Variants in UNC13A observed in about 807,000 individuals in gnomAD.
The protein encoded by UNC13A is unc-13 homolog A.
Under a neutral mutation model 219.7 loss-of-function variants are expected in UNC13A, and 61 were observed. That is an observed-to-expected ratio of 0.28 (90% CI 0.23 to 0.34). UNC13A has a LOEUF of 0.34. Ranked by LOEUF, UNC13A falls within the 10% of genes least tolerant of loss-of-function variation. The probability of loss-of-function intolerance (pLI) is 1.00; values close to 1 mark genes in which losing one functional copy is unlikely to be tolerated. For missense variants in UNC13A, 1,476 were observed against 2,270.3 expected (o/e 0.65, Z 7.11); for synonymous variants, 920 against 884.6 (o/e 1.04, Z -0.71).
In UNC13A at chr19:17,656,401, G is replaced by A; in HGVS notation, c.768-3C>T. 2.6e-6 allele frequency: 4 copies of A among 1,516,648 alleles called. No individual in the cohort carries two copies. The highest frequency in any genetic ancestry group is 3.5e-6 in the Non-Finnish European group (4 of 1,134,454). The allele number at this position is 1,516,648 out of a possible 1,614,324, so 93.9% of individuals were successfully genotyped here. On this transcript the variant is annotated splice_polypyrimidine_tract_variant and splice_region_variant and intron_variant, in intron 9 of 43. Transcript: ENST00000519716. ...CATAGCGGCTGCTACCCGTGGGGCT[G>A]TGGGGATGGAACAGGGTTCAGGGAC...
At chr19:17,673,698 A>G (rs1355142412) in intron 3 of UNC13A, among the ~76,000 whole-genome samples, 5 of 150,790 alleles carry the variant, frequency 3.3e-5, no homozygotes, top group Non-Finnish European at 7.4e-5. Context: ...GTCTCAAAAC[A>G]AAACAAAAAA....
chr19:17,679,314 C>T (rs1257591449), intron 1 of UNC13A, among the ~76,000 whole-genome samples: 4 of 151,824 alleles, frequency 2.6e-5, no homozygotes, highest in Admixed American at 6.6e-5. Flanking sequence ...GCAGGAGAAT[C>T]GCTTGAACCC....
At chr19:17,643,901 T>C (rs1435583394) in intron 19 of UNC13A, among the ~76,000 whole-genome samples, 2 of 152,128 alleles carry the variant, frequency 1.3e-5, no homozygotes, top group African/African-American at 4.8e-5. Flanking sequence ...CCTGGGTCTG[T>C]GCCTCTCTCC....
intron 1 of UNC13A, among the ~76,000 whole-genome samples, chr19:17,686,298 G>GCCCCCCCCCCCC (rs533722538): frequency 4.9e-5 from 4 of 81,900 alleles, no homozygotes; most frequent in Non-Finnish European, 1.1e-4. Flanking sequence ...TGAGATCCCC[G>GCCCCCCCCCCCC]CCCCCCCCCC....
At position 17,658,125 on chromosome 19, in the gene UNC13A, G is replaced by A. The variant is rs781206165; in HGVS notation, c.704C>T (p.Ser235Phe). ...QYSVRPPPLG[S>F]RESYSDSMHS... is the part of the protein sequence containing the mutation. ...CATGGAGTCACTGTAGGACTCCCGG[G>A]AGCCCAGGGGTGGTGGGCGAACAGA... Residue 235 changes from serine (S) to phenylalanine (F), a missense_variant, in exon 9 of 44, where the codon TCC becomes TTC. Ser to Phe is a radical substitution (Grantham distance 155). Transcript: ENST00000519716. The A allele has an allele frequency of 1.3e-5, 21 of 1,613,930 alleles. No individual in the cohort carries two copies. Among genetic ancestry groups the A allele is most frequent in the Non-Finnish European group, 1.8e-5 (21 of 1,179,878 alleles).
chr19:17,621,842 C>G lies in UNC13A; in HGVS notation c.4232G>C (p.Gly1411Ala). 1 of 1,613,972 alleles carries G rather than the reference C, an allele frequency of 6.2e-7. No individual in the cohort carries two copies. Among genetic ancestry groups the G allele is most frequent in the South Asian group, 1.1e-5 (1 of 91,082 alleles). The change falls in exon 37 of 44, where the codon GGA becomes GCA. Residue 1411 changes from glycine (G) to alanine (A), a missense_variant. This residue lies in a region of UNC13A where 75 missense variants were observed against 100.2 expected (regional missense o/e 0.75). Coordinates refer to ENST00000519716, the MANE Select transcript of UNC13A (RefSeq NM_001080421.3). ...IGNLLRKHGK[G>A]LEKGRVKLPS... Reference sequence around the variant, plus strand: ...CGAGGCCCTCATTACCTTTTCTAATCCCTTGCCATGTTTTCTCAAGAGGTT... The same window carrying G: ...CGAGGCCCTCATTACCTTTTCTAATGCCTTGCCATGTTTTCTCAAGAGGTT...
Position 17,656,111 on chromosome 19 carries a change from G to A in UNC13A, c.1055C>T (p.Pro352Leu). The part of the protein sequence containing the change: ...EELEEEEEEV[P>L]DDLGSYAQRE... ...CTGGGCATAGCTGCCCAAATCGTCA[G>A]GCACCTCCTCCTCCTCCTCCTCCAG... Residue 352 changes from proline (P) to leucine (L), a missense_variant, in exon 10 of 44, where the codon CCT becomes CTT. By Grantham distance (98) the Pro-to-Leu change is moderately conservative. Transcript: ENST00000519716. 6.4e-7 allele frequency: 1 copy of A among 1,552,592 alleles called. No individual in the cohort carries two copies. The highest frequency in any genetic ancestry group is 8.7e-7 in the Non-Finnish European group (1 of 1,147,322).
chr19:17,653,177 A>G (rs1446620885), intron 11 of UNC13A, among the ~76,000 whole-genome samples: 3 of 151,726 alleles, frequency 2.0e-5, no homozygotes. Flanking sequence ...GTTCTGAAAT[A>G]TTGAGGGGGT....
At chr19:17,608,385 T>TATATATATTTATATATAATATATAAAA (rs1555775549) in intron 43 of UNC13A, among the ~76,000 whole-genome samples, 1 of 42,396 alleles carries the variant, frequency 2.4e-5, no homozygotes, top group African/African-American at 9.7e-5. Context: ...TGTATATAAA[T>TATATATATTTATATATAATATATAAAA]ATATATATAT....
chr19:17,607,883 T>TC (rs1409246553), intron 43 of UNC13A, among the ~76,000 whole-genome samples: 6 of 147,008 alleles, frequency 4.1e-5, no homozygotes, highest in African/African-American at 1.3e-4. Context: ...AGACTTTTTT[T>TC]TTTTTTTTTT....
Position 17,623,498 on chromosome 19 carries a change from CAGAG to C in UNC13A, c.4203+40_4203+43del, listed in dbSNP as rs745745431. The C allele has an allele frequency of 4.2e-5, 64 of 1,515,860 alleles. 1 individual carries two copies. The South Asian group carries it at 5.9e-4, about 14-fold the overall frequency. 93.9% of individuals were successfully genotyped at this position (1,515,860 alleles called of 1,614,324 possible). A position where few individuals can be genotyped will look rare whatever the true frequency, so the allele number is the denominator to read the frequency against. ...CGACGCGGTGGGCCGAGTCCAGACACAGAGAGGACGGACAGACAGACGGACAGAC... is the reference window on the plus strand; with the variant it reads ...CGACGCGGTGGGCCGAGTCCAGACACAGGACGGACAGACAGACGGACAGAC... On this transcript the variant is annotated intron_variant, in intron 36 of 43. Coordinates refer to ENST00000519716, the MANE Select transcript of UNC13A (RefSeq NM_001080421.3).
At chr19:17,669,701 TG>T in intron 4 of UNC13A, 25 bp from the exon 5 acceptor site, 1 of 1,593,636 alleles carries the variant, frequency 6.3e-7, no homozygotes, top group African/African-American at 1.3e-5. Flanking sequence ...AGGAGGTGTG[TG>T]GGTCAGGAAT....
rs991719758 is a variant in UNC13A, at chr19:17,647,361, C to A, written c.1948G>T (p.Ala650Ser). 1 of 1,613,442 alleles carries A rather than the reference C, an allele frequency of 6.2e-7. No homozygotes were observed. Among genetic ancestry groups the A allele is most frequent in the African/African-American group, 1.3e-5 (1 of 74,888 alleles). The stretch of plus-strand genomic sequence containing the variant: ...TGCGTGTGCGCCGTCTTGGTCACCG[C>A]GAAGATCTCCTGGATGAGCTCGAAG... ...EIFELIQEIFAVTKTAHTQQM... is the reference protein window; with the variant it reads ...EIFELIQEIFSVTKTAHTQQM... Residue 650 changes from alanine (A) to serine (S), a missense_variant, in exon 17 of 44, where the codon GCG becomes TCG. Transcript: ENST00000519716.
intron 4 of UNC13A, among the ~76,000 whole-genome samples, chr19:17,670,378 T>C (rs2145903653): frequency 6.6e-6 from 1 of 151,866 alleles, no homozygotes; most frequent in South Asian, 2.1e-4. Context: ...GCTGCTGGGA[T>C]TACAGGTACG....
intron 19 of UNC13A, among the ~76,000 whole-genome samples, chr19:17,643,550 C>T (rs1308531811): frequency 6.6e-6 from 1 of 152,146 alleles, no homozygotes; most frequent in African/African-American, 2.4e-5. Flanking sequence ...AACTCCTGAC[C>T]TCAGGTGATC....
In UNC13A at chr19:17,623,543, A is replaced by G; in HGVS notation, c.4202T>C (p.Ile1401Thr). 1 of 1,445,158 alleles carries G rather than the reference A, an allele frequency of 6.9e-7. No individual in the cohort carries two copies. The highest frequency in any genetic ancestry group is 9.1e-7 in the Non-Finnish European group (1 of 1,095,238). 89.5% of individuals were successfully genotyped at this position (1,445,158 alleles called of 1,614,324 possible). The change falls in exon 36 of 44, where the codon ATC becomes ACC. Residue 1401 changes from isoleucine to threonine, a missense_variant and splice_region_variant. Ile to Thr is a moderately conservative substitution (Grantham distance 89, BLOSUM62 -1). Coordinates refer to ENST00000519716, the MANE Select transcript of UNC13A (RefSeq NM_001080421.3). ...VLPPLTDQTM[I>T]GNLLRKHGKG... ...ACGGACAGACGGGACTCTACTTACG[A>G]TCATCTGTCATCCGTGATGGGGGCG...
chr19:17,642,711 G>A, intron 20 of UNC13A, 134 bp downstream of exon 20: 1 of 745,844 alleles, frequency 1.3e-6, no homozygotes, highest in Non-Finnish European at 2.1e-6. Flanking sequence ...AGTTTTCCAG[G>A]TAAAGGGAAT....
At chr19:17,664,208 C>T (rs569100204) in intron 7 of UNC13A, among the ~76,000 whole-genome samples, 1 of 152,312 alleles carries the variant, frequency 6.6e-6, no homozygotes, top group Non-Finnish European at 1.5e-5. Flanking sequence ...TCCCAGTCTC[C>T]ACCCTTTTCC....
rs2076828905 is a variant in UNC13A, at chr19:17,630,277, G to C, written c.3537C>G (p.Thr1179=). The C allele has an allele frequency of 6.4e-7, 1 of 1,562,426 alleles. No individual in the cohort carries two copies. The highest frequency in any genetic ancestry group is 1.4e-5 in the African/African-American group (1 of 73,492). Residue 1179 remains threonine (T), a synonymous_variant, in exon 30 of 44, where the codon ACC becomes ACG. Transcript: ENST00000519716. ...AGCAGGAGAATAGGGCATGCTCTGA[G>C]GTCTGCTGGAACTGCAGGGGGAAGG... is the stretch of plus-strand genomic sequence containing the variant. ...ERDKKDGFQQ[T]SEHALFSCSV... is the part of the protein sequence containing the mutation.
Sources: gnomAD v4.1 joint callset for allele counts (sites outside exome capture counted in the v4.1 genomes callset) on GRCh38, gnomAD v4.1.1 for gene constraint, gnomAD v4.1.1 regional missense constraint, MANE v1.5 for transcripts, NCBI Gene and HGNC (gene_info 2026-07-23, HGNC 2026-07-21) for gene names.